The following EBF2 variants were observed in gnomAD, a reference collection of about 807,000 sequenced individuals.
EBF2 encodes EBF transcription factor 2, also known as transcription factor COE2.
In EBF2, 21 loss-of-function variants were observed where a neutral mutation model predicts 72.8. The observed-to-expected ratio is 0.29, with a 90% CI of 0.20 to 0.42. The LOEUF is 0.42. EBF2 is among the 10% of genes least tolerant of loss of function. The probability of loss-of-function intolerance (pLI) is 1.00; values close to 1 mark genes in which losing one functional copy is unlikely to be tolerated. For synonymous variants in EBF2, 299 were observed against 274.2 expected (o/e 1.09, Z -0.89); for missense variants, 637 against 731.2 (o/e 0.87, Z 1.49).
intron 5 of EBF2, among the ~76,000 whole-genome samples, chr8:26,039,304 G>A (rs1263180150): frequency 1.3e-5 from 2 of 152,094 alleles, no homozygotes; most frequent in African/African-American, 4.8e-5. Context: ...ATCTCTGAAA[G>A]GAAGATGGGA....
At chr8:25,938,018 T>G (rs1803607812) in intron 6 of EBF2, among the ~76,000 whole-genome samples, 1 of 152,170 alleles carries the variant, frequency 6.6e-6, no homozygotes, top group African/African-American at 2.4e-5. Flanking sequence ...AACTTTTATG[T>G]CTTATAGTAC....
intron 7 of EBF2, among the ~76,000 whole-genome samples, chr8:25,900,243 C>T (rs1183243275): frequency 6.6e-6 from 1 of 152,146 alleles, no homozygotes; most frequent in Admixed American, 6.5e-5. Context: ...ATCACTTGAG[C>T]CCAGGGGTTC....
At chr8:25,875,956 G>T (rs1802512597) in intron 10 of EBF2, among the ~76,000 whole-genome samples, 1 of 152,112 alleles carries the variant, frequency 6.6e-6, no homozygotes, top group Non-Finnish European at 1.5e-5. Flanking sequence ...AAAGATACAT[G>T]CACGCGTATG....
At position 25,850,582 on chromosome 8, in the gene EBF2, AC is replaced by A. The variant is rs779269718; in HGVS notation, c.1696+11del. Reference sequence around the variant, plus strand: ...GTACATTGTGTATCCCCAAAATAGAACCCTTGCTTACCTCTGAATCCATTTC... The same window carrying A: ...GTACATTGTGTATCCCCAAAATAGAACCTTGCTTACCTCTGAATCCATTTC... On this transcript the variant is annotated intron_variant, in intron 15 of 15. Coordinates refer to ENST00000520164, the MANE Select transcript of EBF2 (RefSeq NM_022659.4). The A allele has an allele frequency of 9.0e-5, 139 of 1,536,434 alleles. No individual in the cohort carries two copies. The highest frequency in any genetic ancestry group is 4.7e-5 in the Admixed American group (2 of 42,478).
intron 13 of EBF2, 116 bp from the exon 14 acceptor site, chr8:25,858,620 C>A: frequency 1.4e-6 from 1 of 699,426 alleles, no homozygotes. Context: ...CTGCCCCGGG[C>A]AGTTGTAGGA....
chr8:25,984,575 G>T, intron 6 of EBF2, among the ~76,000 whole-genome samples: 1 of 152,174 alleles, frequency 6.6e-6, no homozygotes, highest in Non-Finnish European at 1.5e-5. Context: ...CCAGCGACTC[G>T]GGAGGCTGAG....
At chr8:25,862,889 G>T (rs1455586903) in intron 10 of EBF2, 92 bp from the exon 11 acceptor site, 8 of 805,268 alleles carry the variant, frequency 9.9e-6, no homozygotes, top group Non-Finnish European at 1.5e-5. Context: ...GAAGGTTCTG[G>T]ATGCATAATG....
chr8:25,851,980 TATG>T (rs1208936911), intron 14 of EBF2, among the ~76,000 whole-genome samples: 4 of 152,206 alleles, frequency 2.6e-5, no homozygotes, highest in Non-Finnish European at 1.5e-5. Context: ...ATACTTCCCA[TATG>T]ATGTCTTTTA....
At chr8:25,870,637 G>GT (rs1157075070) in intron 10 of EBF2, among the ~76,000 whole-genome samples, 1 of 152,044 alleles carries the variant, frequency 6.6e-6, no homozygotes, top group Non-Finnish European at 1.5e-5. Context: ...TGCACCCATT[G>GT]TTCTCCCAAC....
chr8:25,908,569 G>A lies in EBF2; in HGVS notation c.552-14C>T, dbSNP rs750354342. The A allele has an allele frequency of 1.2e-5, 18 of 1,551,968 alleles. No individual in the cohort carries two copies. In the South Asian group the frequency reaches 2.0e-4, roughly 17 times the overall value. On this transcript the variant is annotated splice_polypyrimidine_tract_variant and intron_variant, in intron 6 of 15. Transcript: ENST00000520164. ...TTTAAAAAGAATCTGTGAAGAGAAA[G>A]CGATGTGTTACATTTTTCAGTAAAC...
At chr8:25,950,378 C>T (rs998376088) in intron 6 of EBF2, among the ~76,000 whole-genome samples, 4 of 152,256 alleles carry the variant, frequency 2.6e-5, no homozygotes, top group Non-Finnish European at 5.9e-5. Flanking sequence ...CTCTCAATTC[C>T]GGTAAAAGGC....
At chr8:26,040,857 G>C in intron 3 of EBF2, 82 bp downstream of exon 3, 2 of 1,583,768 alleles carry the variant, frequency 1.3e-6, no homozygotes, top group Non-Finnish European at 1.7e-6. Context: ...CGATCCCTGA[G>C]AGTGATCATG....
intron 7 of EBF2, among the ~76,000 whole-genome samples, chr8:25,898,184 G>T (rs1356814321): frequency 2.0e-5 from 3 of 152,114 alleles, no homozygotes; most frequent in Non-Finnish European, 4.4e-5. Flanking sequence ...GCCCAACGCT[G>T]GGAAGAATCA....
chr8:25,908,064 C>A (rs1158274982), intron 7 of EBF2, among the ~76,000 whole-genome samples: 1 of 152,154 alleles, frequency 6.6e-6, no homozygotes, highest in Non-Finnish European at 1.5e-5. Context: ...GCTCAGAGAG[C>A]GACCACTGAA....
At chr8:26,007,971 C>T (rs1804910652) in intron 6 of EBF2, among the ~76,000 whole-genome samples, 1 of 151,824 alleles carries the variant, frequency 6.6e-6, no homozygotes, top group African/African-American at 2.4e-5. Context: ...GCATAGTTTC[C>T]AAGTGAAATA....
At chr8:25,915,625 A>AT in intron 6 of EBF2, among the ~76,000 whole-genome samples, 1 of 151,726 alleles carries the variant, frequency 6.6e-6, no homozygotes, top group Non-Finnish European at 1.5e-5. Context: ...AAAAAAAAAA[A>AT]AGGTTACTCA....
chr8:25,870,489 T>A (rs1802417601), intron 10 of EBF2, among the ~76,000 whole-genome samples: 1 of 152,004 alleles, frequency 6.6e-6, no homozygotes, highest in African/African-American at 2.4e-5. Context: ...TTTTTGGGGG[T>A]CCAGCCAGGT....
At chr8:25,931,864 G>A (rs1013807530) in intron 6 of EBF2, among the ~76,000 whole-genome samples, 4 of 152,096 alleles carry the variant, frequency 2.6e-5, no homozygotes, top group Non-Finnish European at 5.9e-5. Flanking sequence ...GCAACACAGA[G>A]ATGTTGTTAA....
intron 6 of EBF2, among the ~76,000 whole-genome samples, chr8:25,986,985 G>A (rs1405085243): frequency 6.6e-6 from 1 of 152,156 alleles, no homozygotes; most frequent in Non-Finnish European, 1.5e-5. Context: ...ACACTTTTCT[G>A]TAACCCATGA....
Sources: allele counts gnomAD v4.1 joint callset (sites outside exome capture counted in the v4.1 genomes callset), GRCh38; gene constraint gnomAD v4.1.1; transcripts MANE v1.5; gene names NCBI Gene and HGNC (gene_info 2026-07-23, HGNC 2026-07-21).